TRHDE: variants seen among roughly 807,000 people sequenced by gnomAD.
The protein encoded by TRHDE is thyrotropin releasing hormone degrading enzyme.
Under a neutral mutation model 125.7 loss-of-function variants are expected in TRHDE, and 72 were observed. That is an observed-to-expected ratio of 0.57 (90% CI 0.47 to 0.70). The LOEUF is 0.70. Ranked by LOEUF, TRHDE falls within the 30% of genes least tolerant of loss-of-function variation. The pLI is 0.00. For missense variants in TRHDE, 1,110 were observed against 1,327.1 expected (o/e 0.84, Z 2.54); for synonymous variants, 509 against 509.1 (o/e 1.00, Z 0.00).
intron 2 of TRHDE, among the ~76,000 whole-genome samples, chr12:72,221,808 A>C (rs1878006584): frequency 6.6e-6 from 1 of 152,176 alleles, no homozygotes; most frequent in South Asian, 2.1e-4. Context: ...GCTTAAAACA[A>C]GACCTGTTTT....
At position 72,556,598 on chromosome 12, in the gene TRHDE, G is replaced by A. The variant is rs186365167; in HGVS notation, c.1789-5567G>A. On this transcript the variant is annotated intron_variant, in intron 7 of 18. Coordinates refer to ENST00000261180, the MANE Select transcript of TRHDE (RefSeq NM_013381.3). ...GCCCAGGCTTTAGCTGCCAGGCAAA[G>A]TGGAGAGGGAATATTTAGTATTTTG... 3.9e-5 allele frequency among the ~76,000 whole-genome samples: 6 copies of A among 152,310 alleles called. No homozygotes were observed. In the East Asian group the frequency reaches 7.7e-4, roughly 20 times the overall value.
At chr12:72,481,426 C>T (rs182037107) in intron 5 of TRHDE, among the ~76,000 whole-genome samples, 1 of 150,818 alleles carries the variant, frequency 6.6e-6, no homozygotes, top group East Asian at 2.0e-4. Context: ...GCCTCAGTTA[C>T]TCCTTTATCC....
chr12:72,120,674 CTTTTT>C (rs36076979), intron 2 of TRHDE, among the ~76,000 whole-genome samples: 17 of 118,750 alleles, frequency 1.4e-4, no homozygotes, highest in African/African-American at 5.6e-4. Flanking sequence ...TACTCTTTAA[CTTTTT>C]TTTTTTTTTT....
At chr12:72,369,260 G>A (rs1013600188) in intron 2 of TRHDE, among the ~76,000 whole-genome samples, 16 of 152,118 alleles carry the variant, frequency 1.1e-4, no homozygotes, top group Non-Finnish European at 1.3e-4. Flanking sequence ...TTAGCTCATT[G>A]CTATGATGTA....
intron 15 of TRHDE, among the ~76,000 whole-genome samples, chr12:72,636,987 A>C (rs1160783301): frequency 2.6e-5 from 4 of 152,156 alleles, no homozygotes; most frequent in South Asian, 2.1e-4. Flanking sequence ...TGTCTCTGCC[A>C]GGCTTTGGTA....
chr12:72,146,834 A>T (rs1296728524), intron 2 of TRHDE, among the ~76,000 whole-genome samples: 1 of 152,222 alleles, frequency 6.6e-6, no homozygotes, highest in Admixed American at 6.5e-5. Context: ...AGCATCCCGC[A>T]AGAATTGGAT....
chr12:72,540,794 A>G (rs1389497), intron 6 of TRHDE, among the ~76,000 whole-genome samples: 60,418 of 151,394 alleles, frequency 0.4, 14,523 homozygotes, highest in African/African-American at 0.67. Flanking sequence ...GAAGATAAAG[A>G]GGAAGAAGCT....
intron 6 of TRHDE, among the ~76,000 whole-genome samples, chr12:72,523,423 C>T (rs1868282088): frequency 6.6e-6 from 1 of 151,990 alleles, no homozygotes; most frequent in Admixed American, 6.6e-5. Context: ...TTTGGAGAGG[C>T]CATAACTGGA....
intron 6 of TRHDE, among the ~76,000 whole-genome samples, chr12:72,501,222 C>G (rs1273188709): frequency 6.6e-6 from 1 of 151,732 alleles, no homozygotes; most frequent in African/African-American, 2.4e-5. Context: ...GCATATTTTT[C>G]TGGTACAATG....
At chr12:72,279,934 G>T (rs1011779749) in intron 1 of TRHDE, among the ~76,000 whole-genome samples, 10 of 152,134 alleles carry the variant, frequency 6.6e-5, no homozygotes, top group Admixed American at 6.6e-4. Context: ...AAAATCAGAG[G>T]ATAGACAAAG....
intron 2 of TRHDE, among the ~76,000 whole-genome samples, chr12:72,143,433 A>G (rs1876161569): frequency 6.6e-6 from 1 of 152,040 alleles, no homozygotes; most frequent in Non-Finnish European, 1.5e-5. Context: ...TCAGGGAAAC[A>G]AAAGGGAGAG....
intron 2 of TRHDE, among the ~76,000 whole-genome samples, chr12:72,364,310 A>T (rs1315186128): frequency 6.6e-6 from 1 of 152,068 alleles, no homozygotes; most frequent in African/African-American, 2.4e-5. Context: ...TCAGAAACCT[A>T]TATCCGTGTT....
At chr12:72,153,057 A>G (rs1876409688) in intron 2 of TRHDE, among the ~76,000 whole-genome samples, 1 of 152,152 alleles carries the variant, frequency 6.6e-6, no homozygotes, top group South Asian at 2.1e-4. Flanking sequence ...GCAATTAATT[A>G]TTGCCTCAAT....
At chr12:72,153,804 C>A (rs556416809) in intron 2 of TRHDE, among the ~76,000 whole-genome samples, 2 of 152,236 alleles carry the variant, frequency 1.3e-5, no homozygotes, top group East Asian at 3.9e-4. Flanking sequence ...CTGAGGAGTG[C>A]TTTACTTCCA....
upstream of TRHDE, among the ~76,000 whole-genome samples, chr12:72,270,524 C>T (rs1396421785): frequency 6.6e-6 from 1 of 152,126 alleles, no homozygotes. Flanking sequence ...TTTCAGTACT[C>T]CAAAGCCAGA....
chr12:72,279,664 G>A (rs536229327), intron 1 of TRHDE, among the ~76,000 whole-genome samples: 1 of 152,284 alleles, frequency 6.6e-6, no homozygotes, highest in East Asian at 1.9e-4. Context: ...GGTGGTGGTG[G>A]CAGTGTGAGG....
At chr12:72,491,096 T>A (rs774717284) in intron 5 of TRHDE, among the ~76,000 whole-genome samples, 1 of 151,838 alleles carries the variant, frequency 6.6e-6, no homozygotes, top group Non-Finnish European at 1.5e-5. Context: ...TTATGTTGTA[T>A]ACCTTAAATT....
intron 2 of TRHDE, among the ~76,000 whole-genome samples, chr12:72,138,365 C>A (rs2139312564): frequency 6.6e-6 from 1 of 152,074 alleles, no homozygotes; most frequent in Middle Eastern, 3.4e-3. Flanking sequence ...CAGCAAGACT[C>A]CGTTTCAAAA....
intron 2 of TRHDE, among the ~76,000 whole-genome samples, chr12:72,219,035 T>G (rs1330773675): frequency 6.6e-6 from 1 of 152,140 alleles, no homozygotes; most frequent in Non-Finnish European, 1.5e-5. Context: ...ACAATAAAAT[T>G]TTCACAAAGT....
Sources: allele counts gnomAD v4.1 joint callset (sites outside exome capture counted in the v4.1 genomes callset), GRCh38; gene constraint gnomAD v4.1.1; transcripts MANE v1.5; gene names NCBI Gene and HGNC (gene_info 2026-07-23, HGNC 2026-07-21).